The following CBR4 variants were observed in gnomAD, a reference collection of about 807,000 sequenced individuals.
CBR4 encodes 3-oxoacyl-[acyl-carrier-protein] reductase.
Under a neutral mutation model 21.0 loss-of-function variants are expected in CBR4, and 22 were observed. That is an observed-to-expected ratio of 1.05 (90% CI 0.75 to 1.50). The LOEUF (loss-of-function observed/expected upper bound fraction) is 1.50, where lower values mean the gene tolerates loss of function less well. Among genes scored for constraint, CBR4 ranks in the 40% most tolerant of loss-of-function variants. The pLI, the probability that CBR4 is intolerant of heterozygous loss-of-function variation, is 0.00. For missense variants in CBR4, 302 were observed against 286.3 expected, an observed-to-expected ratio of 1.05 and a Z score of -0.40; for synonymous variants, 100 against 104.4, an observed-to-expected ratio of 0.96 and a Z score of 0.26.
intron 2 of CBR4, among the ~76,000 whole-genome samples, chr4:168,929,091 A>ATGAC (rs958552470): frequency 5.3e-5 from 8 of 152,226 alleles, no homozygotes; most frequent in African/African-American, 1.9e-4. Context: ...CACCAGTGCC[A>ATGAC]TGACGTACAA....
intron 2 of CBR4, among the ~76,000 whole-genome samples, chr4:168,923,046 T>G (rs116326062): frequency 2.9e-3 from 447 of 152,352 alleles, no homozygotes; most frequent in African/African-American, 0.01. Context: ...CATAAAAATG[T>G]GTATGAAGCT....
At chr4:168,942,004 C>T (rs1299080039) in intron 2 of CBR4, among the ~76,000 whole-genome samples, 1 of 152,088 alleles carries the variant, frequency 6.6e-6, no homozygotes, top group Non-Finnish European at 1.5e-5. Context: ...AAATGATAGA[C>T]TCGATAAAGA....
At chr4:168,917,099 A>T (rs567574315) in intron 2 of CBR4, among the ~76,000 whole-genome samples, 28 of 132,012 alleles carry the variant, frequency 2.1e-4, no homozygotes, top group Non-Finnish European at 3.9e-4. Flanking sequence ...CCCAGGCTGG[A>T]GTGCAGTGGT....
intron 2 of CBR4, among the ~76,000 whole-genome samples, chr4:168,963,332 G>A (rs1476901846): frequency 1.3e-5 from 2 of 152,142 alleles, no homozygotes; most frequent in Middle Eastern, 3.2e-3. Context: ...TCAAAAAGGT[G>A]GGTAACTGTT....
chr4:169,009,967 G>A lies in CBR4; in HGVS notation c.123C>T (p.Ala41=), dbSNP rs1731278030. The stretch of plus-strand genomic sequence containing the variant: ...ACCTACCGCCGAGGTCACCGGCGGC[G>A]GCTTTGGCCCCTTCCAGGTTTCTGG... The part of the protein sequence containing the change: ...VIARNLEGAK[A]AAGDLGGDHL... The change falls in exon 1 of 5, where the codon GCC becomes GCT. Residue 41 remains alanine, a synonymous_variant. Transcript: ENST00000306193. The A allele has an allele frequency of 6.2e-7, 1 of 1,612,224 alleles. No homozygotes were observed. The highest frequency in any genetic ancestry group is 1.3e-5 in the African/African-American group (1 of 74,892).
chr4:168,936,078 G>A (rs995310509), intron 2 of CBR4, among the ~76,000 whole-genome samples: 5 of 152,220 alleles, frequency 3.3e-5, no homozygotes, highest in African/African-American at 4.8e-5. Context: ...AGCTTCCAGA[G>A]GAAAGAACAG....
intron 2 of CBR4, chr4:168,898,824 C>A: frequency 1.3e-6 from 1 of 780,056 alleles, no homozygotes; most frequent in Non-Finnish European, 2.3e-6. Flanking sequence ...TTTCTCAATA[C>A]CCACGATATA....
In CBR4 at chr4:168,952,192, C is replaced by T. The variant is rs1010477821; in HGVS notation, n.169+49879G>A. Among the ~76,000 whole-genome samples the T allele has an allele frequency of 5.3e-5, 8 of 152,214 alleles. No homozygotes were observed. The East Asian group carries it at 1.2e-3, about 22-fold the overall frequency. ...TCCAACTCTGAATTTCTTTCTTCTA[C>T]TTGTTCAATTCTATTGCTGAGATTT... On this transcript the variant is annotated intron_variant and non_coding_transcript_variant, in intron 2 of 3. Transcript: ENST00000509108.
intron 2 of CBR4, among the ~76,000 whole-genome samples, chr4:168,964,475 A>C (rs1219332492): frequency 6.6e-6 from 1 of 152,210 alleles, no homozygotes; most frequent in African/African-American, 2.4e-5. Flanking sequence ...CCACAAGCCA[A>C]TGCACCTTCT....
At chr4:168,974,158 C>CT (rs1444107313) in intron 2 of CBR4, among the ~76,000 whole-genome samples, 1 of 152,176 alleles carries the variant, frequency 6.6e-6, no homozygotes, top group African/African-American at 2.4e-5. Flanking sequence ...CTGAAAAAGA[C>CT]TTTATCTCTC....
intron 2 of CBR4, among the ~76,000 whole-genome samples, chr4:168,936,687 G>T (rs1297886478): frequency 6.6e-6 from 1 of 152,074 alleles, no homozygotes; most frequent in African/African-American, 2.4e-5. Context: ...GGATATCAGA[G>T]ATTGAAGATC....
At chr4:168,967,888 A>G (rs1764090209) in intron 2 of CBR4, among the ~76,000 whole-genome samples, 1 of 152,226 alleles carries the variant, frequency 6.6e-6, no homozygotes, top group Non-Finnish European at 1.5e-5. Context: ...GGAAATCTCC[A>G]AAAATGAGTA....
rs1764742595 is a variant in CBR4 at position 168,987,823 on chromosome 4, T to C, written c.*2327A>G. The C allele has an allele frequency of 6.1e-6, 6 of 977,470 alleles. No individual in the cohort carries two copies. In the South Asian group the frequency reaches 2.4e-4, roughly 39 times the overall value. The allele number at this position is 977,470 out of a possible 1,614,324, so 60.5% of individuals were successfully genotyped here. ...AATTATTCCCCCCAAAACTAATTTA[T>C]AACATATAATTATCTCCCTAAAAAG... On this transcript the variant is annotated 3_prime_UTR_variant, in exon 5 of 5. Coordinates refer to ENST00000306193, the MANE Select transcript of CBR4 (RefSeq NM_032783.5).
intron 2 of CBR4, among the ~76,000 whole-genome samples, chr4:168,948,142 T>TAATG (rs1763444458): frequency 6.6e-6 from 1 of 152,206 alleles, no homozygotes; most frequent in Non-Finnish European, 1.5e-5. Flanking sequence ...TGTTGAGCAT[T>TAATG]TTTTCGTATG....
At position 168,987,810 on chromosome 4, in the gene CBR4, C is replaced by G; in HGVS notation, c.*2340G>C. Reference sequence around the variant, plus strand: ...ATCCTCTTTGCACAATTATTCCCCCCAAAACTAATTTATAACATATAATTA... The same window carrying G: ...ATCCTCTTTGCACAATTATTCCCCCGAAAACTAATTTATAACATATAATTA... On this transcript the variant is annotated 3_prime_UTR_variant, in exon 5 of 5. Transcript: ENST00000306193. The G allele has an allele frequency of 3.1e-6, 3 of 980,184 alleles. No homozygotes were observed. The highest frequency in any genetic ancestry group is 3.6e-6 in the Non-Finnish European group (3 of 825,316). 60.7% of individuals were successfully genotyped at this position (980,184 alleles called of 1,614,324 possible). A position where few individuals can be genotyped will look rare whatever the true frequency, so the allele number is the denominator to read the frequency against.
At chr4:168,943,780 C>T (rs374995442) in intron 2 of CBR4, among the ~76,000 whole-genome samples, 46 of 152,124 alleles carry the variant, frequency 3.0e-4, no homozygotes, top group Admixed American at 9.8e-4. Context: ...CATAGTGGCA[C>T]GCACCTGTAG....
At chr4:168,927,717 T>A (rs1762735287) in intron 2 of CBR4, 1 of 223,946 alleles carries the variant, frequency 4.5e-6, no homozygotes, top group Non-Finnish European at 8.9e-6. Context: ...CGGTAAAGAC[T>A]GCTTTTTGAA....
At chr4:168,965,181 T>G (rs545101101) in intron 2 of CBR4, among the ~76,000 whole-genome samples, 2 of 152,184 alleles carry the variant, frequency 1.3e-5, no homozygotes, top group East Asian at 3.9e-4. Flanking sequence ...ATAAAATACC[T>G]AGGAATACAA....
chr4:168,936,086 C>T (rs1163548140), intron 2 of CBR4, among the ~76,000 whole-genome samples: 1 of 152,194 alleles, frequency 6.6e-6, no homozygotes, highest in East Asian at 1.9e-4. Context: ...GAGGAAAGAA[C>T]AGGCAGCAAT....
Sources: gnomAD v4.1 joint callset for allele counts (sites outside exome capture counted in the v4.1 genomes callset) on GRCh38, gnomAD v4.1.1 for gene constraint, MANE v1.5 for transcripts, NCBI Gene and HGNC (gene_info 2026-07-23, HGNC 2026-07-21) for gene names.